The following NLGN1 variants were observed in gnomAD, a reference collection of about 807,000 sequenced individuals.
NLGN1 encodes the protein neuroligin 1.
NLGN1 carries 12 observed loss-of-function variants against 65.5 expected under a neutral mutation model. That is an observed-to-expected ratio of 0.18 (90% confidence interval 0.12 to 0.30). The LOEUF (loss-of-function observed/expected upper bound fraction) is 0.30, where lower values mean the gene tolerates loss of function less well. NLGN1 is among the 10% of genes least tolerant of loss of function. NLGN1 has a pLI of 1.00. For missense variants in NLGN1, 750 were observed against 1,007.1 expected (o/e 0.74, Z 3.46); for synonymous variants, 350 against 359.5 (o/e 0.97, Z 0.30).
At chr3:173,472,233 T>C (rs1357043358) in intron 2 of NLGN1, among the ~76,000 whole-genome samples, 1 of 152,144 alleles carries the variant, frequency 6.6e-6, no homozygotes, top group East Asian at 1.9e-4. Context: ...TGGTAATATC[T>C]CTTAAAATTT....
chr3:174,036,891 T>A (rs967089856), intron 4 of NLGN1, among the ~76,000 whole-genome samples: 17 of 152,144 alleles, frequency 1.1e-4, no homozygotes, highest in Admixed American at 6.5e-4. Flanking sequence ...CTGAAGACAA[T>A]GGCCTCTAGC....
At chr3:173,657,146 G>A (rs1462659066) in intron 3 of NLGN1, among the ~76,000 whole-genome samples, 2 of 151,950 alleles carry the variant, frequency 1.3e-5, no homozygotes, top group East Asian at 3.9e-4. Context: ...CTCATGGTGT[G>A]TTTAACTCCC....
At chr3:174,265,920 ATGTATATATG>A (rs1382636220) in intron 4 of NLGN1, among the ~76,000 whole-genome samples, 1 of 147,288 alleles carries the variant, frequency 6.8e-6, no homozygotes, top group Non-Finnish European at 1.5e-5. Context: ...ATATGTATAT[ATGTATATATG>A]TGTATATATG....
At chr3:173,529,196 A>G (rs900372926) in intron 2 of NLGN1, among the ~76,000 whole-genome samples, 2 of 152,076 alleles carry the variant, frequency 1.3e-5, no homozygotes, top group African/African-American at 4.8e-5. Flanking sequence ...CTTTGCTTCT[A>G]TGGTCCTGTG....
chr3:173,555,172 A>T (rs1174088324), intron 2 of NLGN1, among the ~76,000 whole-genome samples: 2 of 152,208 alleles, frequency 1.3e-5, no homozygotes, highest in Non-Finnish European at 2.9e-5. Flanking sequence ...GAAATTCATT[A>T]TTGTTGGTTT....
At chr3:173,614,340 A>C (rs1434537900) in intron 3 of NLGN1, among the ~76,000 whole-genome samples, 1 of 152,050 alleles carries the variant, frequency 6.6e-6, no homozygotes, top group Non-Finnish European at 1.5e-5. Flanking sequence ...TCCCTGGTTA[A>C]AATTATTAAA....
At chr3:173,941,726 A>G (rs1034449780) in intron 4 of NLGN1, among the ~76,000 whole-genome samples, 2 of 151,964 alleles carry the variant, frequency 1.3e-5, no homozygotes, top group Admixed American at 1.3e-4. Flanking sequence ...ATATATTTGT[A>G]GAAAAACTGT....
intron 4 of NLGN1, among the ~76,000 whole-genome samples, chr3:173,889,545 C>A (rs569746667): frequency 6.6e-6 from 1 of 151,982 alleles, no homozygotes; most frequent in Non-Finnish European, 1.5e-5. Flanking sequence ...AAAAGAATCC[C>A]GTTGTCAAGA....
chr3:173,726,626 T>G (rs1026483695), intron 3 of NLGN1, among the ~76,000 whole-genome samples: 2 of 152,120 alleles, frequency 1.3e-5, no homozygotes, highest in African/African-American at 4.8e-5. Flanking sequence ...CTCTAAACCT[T>G]GTCAACAGCA....
intron 4 of NLGN1, among the ~76,000 whole-genome samples, chr3:174,244,748 G>A (rs1258443215): frequency 6.6e-6 from 1 of 152,110 alleles, no homozygotes; most frequent in African/African-American, 2.4e-5. Flanking sequence ...CAGATATTAG[G>A]ACAAGAGGTG....
chr3:174,145,296 T>C (rs7643095), intron 4 of NLGN1, among the ~76,000 whole-genome samples: 33,136 of 151,932 alleles, frequency 0.22, 6,749 homozygotes, highest in African/African-American at 0.54. Flanking sequence ...GGGTGGATCA[T>C]GATGTCAAGA....
At chr3:173,695,139 A>G (rs1766022419) in intron 3 of NLGN1, among the ~76,000 whole-genome samples, 1 of 152,180 alleles carries the variant, frequency 6.6e-6, no homozygotes, top group Admixed American at 6.6e-5. Flanking sequence ...TATGGCCTAA[A>G]TAAAGTTGCT....
At chr3:174,005,633 G>A (rs961971567) in intron 4 of NLGN1, among the ~76,000 whole-genome samples, 2 of 151,568 alleles carry the variant, frequency 1.3e-5, no homozygotes, top group African/African-American at 2.4e-5. Flanking sequence ...AACCCCTTAC[G>A]AGCAGACACA....
intron 3 of NLGN1, among the ~76,000 whole-genome samples, chr3:173,618,722 G>C (rs1327377996): frequency 6.6e-6 from 1 of 152,150 alleles, no homozygotes; most frequent in African/African-American, 2.4e-5. Context: ...AGAGTGGCCA[G>C]TGGCTTTTCT....
intron 4 of NLGN1, among the ~76,000 whole-genome samples, chr3:174,084,715 C>G (rs1561004109): frequency 6.6e-6 from 1 of 151,988 alleles, no homozygotes; most frequent in Non-Finnish European, 1.5e-5. Flanking sequence ...TTTAATGCTC[C>G]AAATTCTTCC....
intron 3 of NLGN1, among the ~76,000 whole-genome samples, chr3:173,627,210 C>T (rs926809400): frequency 1.3e-5 from 2 of 151,974 alleles, no homozygotes; most frequent in African/African-American, 4.8e-5. Flanking sequence ...CTTCCCATTC[C>T]TCCCACTCCT....
At chr3:173,675,312 C>G (rs961812445) in intron 3 of NLGN1, among the ~76,000 whole-genome samples, 4 of 152,010 alleles carry the variant, frequency 2.6e-5, no homozygotes, top group African/African-American at 9.7e-5. Context: ...GAGTAGTTTT[C>G]AAAATGCCAG....
rs192405208 is a variant in NLGN1, at chr3:173,545,737, A to T, written c.-320-58542A>T. ...AGACTGGATAAAGAAAATGTGGCAC[A>T]TATACACCGTGGAATACTATGCAAC... On this transcript the variant is annotated intron_variant, in intron 2 of 6. Transcript: ENST00000457714. Among the ~76,000 whole-genome samples, 110 of 152,320 alleles carry T rather than the reference A, an allele frequency of 7.2e-4. 1 individual carries two copies. Among genetic ancestry groups the T allele is most frequent in the African/African-American group, 2.3e-3 (94 of 41,572 alleles).
chr3:173,886,213 T>C (rs1012677181), intron 4 of NLGN1, among the ~76,000 whole-genome samples: 6 of 152,036 alleles, frequency 3.9e-5, no homozygotes, highest in Admixed American at 3.9e-4. Flanking sequence ...AGTATAATTA[T>C]AGCAAGGCAA....
Sources: allele counts gnomAD v4.1 joint callset (sites outside exome capture counted in the v4.1 genomes callset), GRCh38; gene constraint gnomAD v4.1.1; transcripts MANE v1.5; gene names NCBI Gene and HGNC (gene_info 2026-07-23, HGNC 2026-07-21).